ASPSCR1: variants seen among roughly 807,000 people sequenced by gnomAD.
ASPSCR1 encodes ASPSCR1 tether for SLC2A4, UBX domain containing.
In ASPSCR1, 55 loss-of-function variants were observed where a neutral mutation model predicts 68.9. The observed-to-expected ratio is 0.80, with a 90% confidence interval of 0.64 to 1.00. The LOEUF is 1.00. Among genes scored for constraint, ASPSCR1 ranks in the 50% least tolerant of loss-of-function variants. The pLI is 0.00. For synonymous variants in ASPSCR1, 352 were observed against 332.6 expected, an observed-to-expected ratio of 1.06 and a Z score of -0.63; for missense variants, 765 against 762.2, an observed-to-expected ratio of 1.00 and a Z score of -0.04.
At position 81,999,818 on chromosome 17, in the gene ASPSCR1, C is replaced by T. The variant is rs1240194478; in HGVS notation, c.933+2972C>T. 6.6e-6 allele frequency among the ~76,000 whole-genome samples: 1 copy of T among 152,164 alleles called. No homozygotes were observed. The highest frequency in any genetic ancestry group is 1.9e-4 in the East Asian group (1 of 5,190). ...GCCTCCCTCTTGCCTCCCGGCCACA[C>T]ACCTGGGAGGGCAGAGGCCGGGCGT... On this transcript the variant is annotated intron_variant, in intron 7 of 15. Transcript: ENST00000306739. The surrounding 1 kb of genome is among the most constrained non-coding windows in gnomAD (Gnocchi z 4.4).
At chr17:82,011,420 A>C (rs1343016855) in intron 10 of ASPSCR1, 123 bp from the exon 11 acceptor site, 1 of 929,456 alleles carries the variant, frequency 1.1e-6, no homozygotes, top group Non-Finnish European at 1.6e-6. Context: ...TGGGAGGAAC[A>C]GGGCTGAATT....
chr17:82,016,596 C>T (rs1433473924), intron 13 of ASPSCR1, 69 bp downstream of exon 13: 14 of 1,539,638 alleles, frequency 9.1e-6, no homozygotes, highest in Non-Finnish European at 1.2e-5. Context: ...GAGCCAGCTG[C>T]CCGGGAGGGC....
chr17:82,010,178 T>C (rs2042875698), intron 9 of ASPSCR1: 4 of 238,716 alleles, frequency 1.7e-5, no homozygotes, highest in Non-Finnish European at 3.4e-5. Flanking sequence ...CGCCTCGGCC[T>C]CCCAAAGTTC....
At chr17:81,996,988 G>A in intron 7 of ASPSCR1, 142 bp downstream of exon 7, 1 of 1,480,094 alleles carries the variant, frequency 6.8e-7, no homozygotes, top group Non-Finnish European at 9.0e-7. Flanking sequence ...CCAAACGCGG[G>A]GCTCTGGACA....
intron 9 of ASPSCR1, chr17:82,009,918 T>C (rs772541356): frequency 1.2e-5 from 3 of 241,554 alleles, no homozygotes; most frequent in Non-Finnish European, 2.5e-5. Context: ...ATGAAACCTT[T>C]TTTTTTTTTT....
Position 82,015,349 on chromosome 17 carries a change from C to T in ASPSCR1, c.1354-1127C>T, listed in dbSNP as rs1254799825. The T allele has an allele frequency of 2.1e-5, 33 of 1,597,456 alleles. No individual in the cohort carries two copies. The East Asian group carries it at 7.1e-4, about 35-fold the overall frequency. ...AAGGCTGGGCACAAGCACGTGGGGA[C>T]AGGCCGGGTAGGCTGCCTGGCTCAG... On this transcript the variant is annotated intron_variant, in intron 12 of 15. Coordinates refer to ENST00000306739, the MANE Select transcript of ASPSCR1 (RefSeq NM_024083.4).
intron 5 of ASPSCR1, chr17:81,995,238 T>A: frequency 2.5e-6 from 1 of 393,228 alleles, no homozygotes; most frequent in Non-Finnish European, 4.5e-6. Context: ...GTCCCTGGCC[T>A]CACAGGGGCC....
intron 4 of ASPSCR1, among the ~76,000 whole-genome samples, chr17:81,993,042 G>T (rs1050723054): frequency 1.3e-5 from 2 of 152,138 alleles, no homozygotes; most frequent in Non-Finnish European, 2.9e-5. Flanking sequence ...CCCCAGGATT[G>T]AGGACGTGAA....
At chr17:81,996,348 G>A (rs2042337835) in intron 6 of ASPSCR1, 72 bp from the exon 7 acceptor site, 2 of 1,522,002 alleles carry the variant, frequency 1.3e-6, no homozygotes, top group Non-Finnish European at 8.8e-7. Context: ...GAGAGGGTGA[G>A]CCTGGGCCGG....
intron 1 of ASPSCR1, 82 bp from the exon 2 acceptor site, chr17:81,979,102 G>A: frequency 6.8e-7 from 1 of 1,475,386 alleles, no homozygotes; most frequent in Non-Finnish European, 9.5e-7. Context: ...CCAGGAAGCT[G>A]AATGCCCTTG....
chr17:81,977,664 C>T lies in ASPSCR1; in HGVS notation c.18C>T (p.Gly6=), dbSNP rs1447689279. 4 of 1,396,728 alleles carry T rather than the reference C, an allele frequency of 2.9e-6. No individual in the cohort carries two copies. The highest frequency in any genetic ancestry group is 1.5e-5 in the African/African-American group (1 of 66,356). 86.5% of individuals were successfully genotyped at this position (1,396,728 alleles called of 1,614,324 possible). A position where few individuals can be genotyped will look rare whatever the true frequency, so the allele number is the denominator to read the frequency against. The change falls in exon 1 of 16, where the codon GGC becomes GGT. Residue 6 remains glycine, a synonymous_variant. Coordinates refer to ENST00000306739, the MANE Select transcript of ASPSCR1 (RefSeq NM_024083.4). This position sits in a 1 kb window ranked among gnomAD's most constrained non-coding sequence, Gnocchi z 5.0. MAAPA[G]GGGSAVSVLA... The stretch of plus-strand genomic sequence containing the variant: ...AGCGGAAAATGGCGGCCCCGGCAGG[C>T]GGCGGAGGCTCCGCGGTGTCGGTGC...
At chr17:82,015,189 T>C in intron 12 of ASPSCR1, 1 of 1,598,240 alleles carries the variant, frequency 6.3e-7, no homozygotes, top group Non-Finnish European at 8.5e-7. Context: ...CGACGTGGAC[T>C]CTGGGAGGCT....
chr17:82,011,285 G>A (rs1404056477), intron 10 of ASPSCR1, among the ~76,000 whole-genome samples: 5 of 149,276 alleles, frequency 3.3e-5, no homozygotes, highest in East Asian at 2.0e-4. Flanking sequence ...AAAGGGAAGC[G>A]CTTAGGCTGG....
chr17:81,984,187 C>T (rs1026033947), intron 3 of ASPSCR1, among the ~76,000 whole-genome samples: 2 of 152,196 alleles, frequency 1.3e-5, no homozygotes, highest in Admixed American at 6.5e-5. Context: ...GTTTTTCTTT[C>T]TTTCTGGGGT....
At chr17:81,997,325 AG>A (rs200933354) in intron 7 of ASPSCR1, among the ~76,000 whole-genome samples, 2,316 of 152,166 alleles carry the variant, frequency 0.015, 25 homozygotes, top group Middle Eastern at 0.027. Flanking sequence ...AGAAATCTCT[AG>A]AAAAGGGGTG....
intron 7 of ASPSCR1, among the ~76,000 whole-genome samples, chr17:81,998,273 A>G (rs1264986216): frequency 6.6e-6 from 1 of 152,168 alleles, no homozygotes; most frequent in Non-Finnish European, 1.5e-5. Flanking sequence ...ACCAGGCCTG[A>G]AAGTTACTTT....
At chr17:82,005,844 CGTGT>C (rs1298953432) in intron 7 of ASPSCR1, 1 of 152,268 alleles carries the variant, frequency 6.6e-6, no homozygotes, top group African/African-American at 2.4e-5. Context: ...CCAGCGTGAC[CGTGT>C]GTGTGGGAAA....
At chr17:82,003,917 G>A (rs1385446484) in intron 7 of ASPSCR1, among the ~76,000 whole-genome samples, 1 of 152,224 alleles carries the variant, frequency 6.6e-6, no homozygotes, top group Non-Finnish European at 1.5e-5. Flanking sequence ...GAAGCTCAGA[G>A]CCTCCAGGGG....
rs1261196844 is a variant in ASPSCR1 at position 82,010,501 on chromosome 17, C to A, written c.1171-301C>A. ...CCGAGATCATGCCACTGCACTCCAG[C>A]CTGGGCGACAGAGTGAGACTCCATC... On this transcript the variant is annotated intron_variant, in intron 9 of 15. Coordinates refer to ENST00000306739, the MANE Select transcript of ASPSCR1 (RefSeq NM_024083.4). Among the ~76,000 whole-genome samples, 9 of 149,150 alleles carry A rather than the reference C, an allele frequency of 6.0e-5. No individual in the cohort carries two copies. In the East Asian group the frequency reaches 1.2e-3, roughly 20 times the overall value.
Sources: gnomAD v4.1 joint callset for allele counts (sites outside exome capture counted in the v4.1 genomes callset) on GRCh38, gnomAD v4.1.1 for gene constraint, Gnocchi (gnomAD v3.1) non-coding constraint, MANE v1.5 for transcripts, NCBI Gene and HGNC (gene_info 2026-07-23, HGNC 2026-07-21) for gene names.